Variants in CFAP298 observed in about 807,000 individuals in gnomAD.
CFAP298 encodes the protein cilia- and flagella-associated protein 298.
In CFAP298, 38 loss-of-function variants were observed where a neutral mutation model predicts 41.0. The observed-to-expected ratio is 0.93, with a 90% CI of 0.72 to 1.22. The LOEUF is 1.22. Among genes scored for constraint, CFAP298 ranks in the 50% most tolerant of loss-of-function variants. CFAP298 has a pLI of 0.00. For missense variants in CFAP298, 348 were observed against 360.3 expected (o/e 0.97, Z 0.28); for synonymous variants, 137 against 135.3 (o/e 1.01, Z -0.09).
At position 32,600,798 on chromosome 21, in the gene CFAP298, A is replaced by AC. The variant is rs1360390389; in HGVS notation, c.*1064dup. 6.6e-6 allele frequency among the ~76,000 whole-genome samples: 1 copy of AC among 152,106 alleles called. No homozygotes were observed. The highest frequency in any genetic ancestry group is 2.4e-5 in the African/African-American group (1 of 41,416). On this transcript the variant is annotated 3_prime_UTR_variant, in exon 7 of 7. Transcript: ENST00000290155. ...CCCGCATCCATAGGGAGAAATCATC[A>AC]CCCTCTACCGGGATCTGGATTTGTT...
At chr21:32,604,400 A>G (rs950834001) in intron 3 of CFAP298, 117 bp from the exon 4 acceptor site, 1 of 1,180,544 alleles carries the variant, frequency 8.5e-7, no homozygotes, top group Non-Finnish European at 1.2e-6. Flanking sequence ...GAAATCAAAC[A>G]GTTCTTGCTC....
chr21:32,609,782 G>C lies in CFAP298; in HGVS notation c.307+56C>G, dbSNP rs112239279. Reference sequence around the variant, plus strand: ...CGTCTCAAAAAAAAAAAAAGGAACTGTTTTCATACTTATGCCTGTATCAAG... The same window carrying C: ...CGTCTCAAAAAAAAAAAAAGGAACTCTTTTCATACTTATGCCTGTATCAAG... On this transcript the variant is annotated intron_variant, in intron 2 of 6. Transcript: ENST00000290155. 4.5e-4 allele frequency: 639 copies of C among 1,435,370 alleles called. 6 individuals are homozygous for C. In the African/African-American group the frequency reaches 7.6e-3, roughly 17 times the overall value. The allele number at this position is 1,435,370 out of a possible 1,614,324, so 88.9% of individuals were successfully genotyped here. A position where few individuals can be genotyped will look rare whatever the true frequency, so the allele number is the denominator to read the frequency against.
At chr21:32,607,320 G>A (rs543008562) in intron 3 of CFAP298, among the ~76,000 whole-genome samples, 13 of 152,244 alleles carry the variant, frequency 8.5e-5, no homozygotes, top group Admixed American at 3.9e-4. Flanking sequence ...TAGGCCGGGC[G>A]CGGTGGCTCA....
intron 5 of CFAP298, 189 bp from the exon 6 acceptor site, chr21:32,602,556 C>T: frequency 1.4e-6 from 2 of 1,411,132 alleles, no homozygotes; most frequent in Non-Finnish European, 9.2e-7. Flanking sequence ...CCTGGACTCT[C>T]ACTGTGTGGA....
At chr21:32,610,943 G>A (rs2038976886) in intron 1 of CFAP298, among the ~76,000 whole-genome samples, 1 of 151,916 alleles carries the variant, frequency 6.6e-6, no homozygotes, top group Non-Finnish European at 1.5e-5. Flanking sequence ...GTATCATCCC[G>A]TCAAGTTCAA....
intron 2 of CFAP298, among the ~76,000 whole-genome samples, chr21:32,607,965 T>C (rs1048352940): frequency 6.6e-6 from 1 of 152,140 alleles, no homozygotes; most frequent in African/African-American, 2.4e-5. Context: ...ATGCATGTCG[T>C]TGGGTAAACA....
intron 3 of CFAP298, among the ~76,000 whole-genome samples, chr21:32,607,176 G>A (rs190385617): frequency 2.2e-3 from 336 of 152,246 alleles, no homozygotes; most frequent in African/African-American, 7.0e-3. Context: ...GCAACCGTCA[G>A]GATTATGAAA....
chr21:32,610,258 G>A (rs1043111879), intron 1 of CFAP298, among the ~76,000 whole-genome samples: 4 of 152,016 alleles, frequency 2.6e-5, no homozygotes, highest in East Asian at 3.9e-4. Flanking sequence ...GTGCAGTGGC[G>A]CGATCTCAGC....
intron 2 of CFAP298, 34 bp downstream of exon 2, chr21:32,609,804 C>A: frequency 6.3e-7 from 1 of 1,577,498 alleles, no homozygotes; most frequent in Non-Finnish European, 8.7e-7. Flanking sequence ...ATGCCTGTAT[C>A]AAGCATGCAC....
rs2038713076 is a variant in CFAP298, at chr21:32,600,218, C to G, written c.*1645G>C. Among the ~76,000 whole-genome samples, 1 of 152,142 alleles carries G rather than the reference C, an allele frequency of 6.6e-6. No individual in the cohort carries two copies. Among genetic ancestry groups the G allele is most frequent in the South Asian group, 2.1e-4 (1 of 4,834 alleles). On this transcript the variant is annotated 3_prime_UTR_variant, in exon 7 of 7. Coordinates refer to ENST00000290155, the MANE Select transcript of CFAP298 (RefSeq NM_021254.4). Reference sequence around the variant, plus strand: ...TTCATAGAGACATTTAAAACTATAACCAAGTAAAAGAGAAAATAGATGCAA... The same window carrying G: ...TTCATAGAGACATTTAAAACTATAAGCAAGTAAAAGAGAAAATAGATGCAA...
chr21:32,603,069 G>T (rs745367917), intron 5 of CFAP298, 92 bp downstream of exon 5: 1 of 1,450,626 alleles, frequency 6.9e-7, no homozygotes, highest in Non-Finnish European at 9.7e-7. Flanking sequence ...ATTTGTACCA[G>T]TAGTTTAAAT....
rs1460153863 is a variant in CFAP298 at position 32,600,480 on chromosome 21, T to C, written c.*1383A>G. Among the ~76,000 whole-genome samples, 1 of 152,214 alleles carries C rather than the reference T, an allele frequency of 6.6e-6. No individual in the cohort carries two copies. The highest frequency in any genetic ancestry group is 2.4e-5 in the African/African-American group (1 of 41,470). On this transcript the variant is annotated 3_prime_UTR_variant, in exon 7 of 7. Coordinates refer to ENST00000290155, the MANE Select transcript of CFAP298 (RefSeq NM_021254.4). ...AGGCAGGAAGGCCAGGGCAGGAAGA[T>C]GCCCCGCGTCCTTCACTTTCCCTCA...
At chr21:32,604,437 G>A (rs1347965683) in intron 3 of CFAP298, 154 bp from the exon 4 acceptor site, 2 of 809,178 alleles carry the variant, frequency 2.5e-6, no homozygotes, top group Non-Finnish European at 3.9e-6. Context: ...CTATTTCAGG[G>A]GCTGAGCGAA....
rs1444193142 is a variant in CFAP298 at position 32,604,106 on chromosome 21, C to A, written c.534+19G>T. 6.2e-7 allele frequency: 1 copy of A among 1,608,970 alleles called. No individual in the cohort carries two copies. The highest frequency in any genetic ancestry group is 2.2e-5 in the East Asian group (1 of 44,752). ...GCCAGGAACTCAACCTCCAGAGTAC[C>A]CACTCACAAACTACGTACCTGTGTT... On this transcript the variant is annotated intron_variant, in intron 4 of 6. Coordinates refer to ENST00000290155, the MANE Select transcript of CFAP298 (RefSeq NM_021254.4).
In CFAP298 at chr21:32,605,134, G is replaced by A. The variant is rs112310959; in HGVS notation, c.376-851C>T. ...GCAGAGGTTGGAGTAAGCCAAAATC[G>A]TGCCACTGCACTCCAGCTTGGGCAA... On this transcript the variant is annotated intron_variant, in intron 3 of 6. Coordinates refer to ENST00000290155, the MANE Select transcript of CFAP298 (RefSeq NM_021254.4). Among the ~76,000 whole-genome samples, 333 of 152,318 alleles carry A rather than the reference G, an allele frequency of 2.2e-3. 4 individuals are homozygous for A. Among genetic ancestry groups the A allele is most frequent in the African/African-American group, 7.7e-3 (320 of 41,574 alleles).
intron 5 of CFAP298, 96 bp from the exon 6 acceptor site, chr21:32,602,463 C>T: frequency 6.7e-7 from 1 of 1,497,698 alleles, no homozygotes. Flanking sequence ...CCTTTGCCGG[C>T]TACTAAAGAT....
chr21:32,607,505 A>G (rs1027065729), intron 3 of CFAP298, 144 bp downstream of exon 3: 4 of 541,924 alleles, frequency 7.4e-6, no homozygotes, highest in African/African-American at 2.0e-5. Flanking sequence ...AGGCAGGAGA[A>G]TTGCTTGAAC....
intron 5 of CFAP298, 137 bp downstream of exon 5, chr21:32,603,024 T>G: frequency 5.8e-6 from 7 of 1,212,540 alleles, no homozygotes; most frequent in Non-Finnish European, 7.1e-6. Context: ...GAAGAGGATA[T>G]TTTTAGTTTA....
At chr21:32,607,497 G>C in intron 3 of CFAP298, 152 bp downstream of exon 3, 1 of 527,628 alleles carries the variant, frequency 1.9e-6, no homozygotes, top group Non-Finnish European at 3.4e-6. Flanking sequence ...GGAGGCTGAG[G>C]CAGGAGAATT....
Sources: allele counts gnomAD v4.1 joint callset (sites outside exome capture counted in the v4.1 genomes callset), GRCh38; gene constraint gnomAD v4.1.1; transcripts MANE v1.5; gene names NCBI Gene and HGNC (gene_info 2026-07-23, HGNC 2026-07-21).